Variants in EVL observed in about 807,000 individuals in gnomAD.
EVL encodes Enah/Vasp-like.
In EVL, 21 loss-of-function variants were observed where a neutral mutation model predicts 59.6. The observed-to-expected ratio is 0.35, with a 90% CI of 0.25 to 0.51. EVL has a LOEUF of 0.51. Among genes scored for constraint, EVL ranks in the 20% least tolerant of loss-of-function variants. The pLI is 0.97. For synonymous variants in EVL, 198 were observed against 203.5 expected, an observed-to-expected ratio of 0.97 and a Z score of 0.23; for missense variants, 462 against 546.6, an observed-to-expected ratio of 0.85 and a Z score of 1.54.
chr14:100,036,152 A>C (rs1473043027), intron 1 of EVL, among the ~76,000 whole-genome samples: 1 of 152,198 alleles, frequency 6.6e-6, no homozygotes, highest in Non-Finnish European at 1.5e-5. Context: ...TGAACTGTGC[A>C]TGCAAAGGAG....
At chr14:100,091,473 TCCATAAAAG>T (rs2062563224) in intron 2 of EVL, among the ~76,000 whole-genome samples, 1 of 152,136 alleles carries the variant, frequency 6.6e-6, no homozygotes, top group African/African-American at 2.4e-5. Context: ...CAGTAAAGTC[TCCATAAAAG>T]GACCAAAAAG....
At chr14:99,979,146 C>T (rs2060789929) in intron 1 of EVL, among the ~76,000 whole-genome samples, 1 of 151,928 alleles carries the variant, frequency 6.6e-6, no homozygotes, top group Non-Finnish European at 1.5e-5. Context: ...CTAGACACTC[C>T]CATCCCCCAC....
intron 1 of EVL, among the ~76,000 whole-genome samples, chr14:100,022,270 CTTGGT>C: frequency 6.7e-6 from 1 of 149,006 alleles, no homozygotes; most frequent in East Asian, 2.0e-4. Context: ...GGGCCACATT[CTTGGT>C]TTGTTTTTTT....
At chr14:99,988,251 A>C (rs1003993622) in intron 1 of EVL, among the ~76,000 whole-genome samples, 6 of 152,264 alleles carry the variant, frequency 3.9e-5, no homozygotes, top group Middle Eastern at 3.4e-3. Context: ...AAATTATTTG[A>C]ATAGATACCT....
At chr14:100,136,091 A>G (rs1205170379) in intron 9 of EVL, 123 bp downstream of exon 9, 7 of 1,103,286 alleles carry the variant, frequency 6.3e-6, no homozygotes, top group Non-Finnish European at 9.3e-6. Flanking sequence ...GCCAGGCCAC[A>G]GGGAAGCCCA....
At chr14:100,098,171 G>A (rs1885950168) in intron 3 of EVL, among the ~76,000 whole-genome samples, 1 of 152,188 alleles carries the variant, frequency 6.6e-6, no homozygotes, top group Non-Finnish European at 1.5e-5. Context: ...ATGTATTGCA[G>A]TAAGTGTTTA....
chr14:100,140,644 G>A (rs1889109367), intron 11 of EVL: 1 of 152,420 alleles, frequency 6.6e-6, no homozygotes, highest in African/African-American at 2.4e-5. Flanking sequence ...CCACATGGGA[G>A]GATGTTTCTT....
At chr14:99,986,366 A>G (rs535169858) in intron 1 of EVL, among the ~76,000 whole-genome samples, 1 of 151,972 alleles carries the variant, frequency 6.6e-6, no homozygotes, top group South Asian at 2.1e-4. Flanking sequence ...TTCTAAGAGG[A>G]CAGCTTCAGG....
rs761341087 is a variant in EVL, at chr14:100,114,608, G to A, written c.359-8931G>A. On this transcript the variant is annotated intron_variant, in intron 3 of 13. Transcript: ENST00000392920. This position sits in a 1 kb window ranked among gnomAD's most constrained non-coding sequence, Gnocchi z 5.0. The stretch of plus-strand genomic sequence containing the variant: ...GGAGAAGAGGTAAGTGGCCCAGTAC[G>A]AGAGGTGCCCCCGGCCTGTGCCGCG... 5 of 152,402 alleles carry A rather than the reference G, an allele frequency of 3.3e-5. No individual in the cohort carries two copies. The highest frequency in any genetic ancestry group is 4.8e-5 in the African/African-American group (2 of 41,470). 9.4% of individuals were successfully genotyped at this position (152,402 alleles called of 1,614,324 possible).
chr14:100,038,771 G>GGTGTGTGTGTGTGTGTGTGTGTGT lies in EVL; in HGVS notation c.6-45905_6-45882dup, dbSNP rs61309441. 1.4e-3 allele frequency among the ~76,000 whole-genome samples: 196 copies of GGTGTGTGTGTGTGTGTGTGTGTGT among 141,000 alleles called. 4 individuals are homozygous for GGTGTGTGTGTGTGTGTGTGTGTGT. Among genetic ancestry groups the GGTGTGTGTGTGTGTGTGTGTGTGT allele is most frequent in the Middle Eastern group, 7.1e-3 (2 of 280 alleles). The allele number at this position is 141,000 out of a possible 152,430, so 92.5% of individuals were successfully genotyped here. A position where few individuals can be genotyped will look rare whatever the true frequency, so the allele number is the denominator to read the frequency against. On this transcript the variant is annotated intron_variant, in intron 1 of 13. Coordinates refer to the EVL transcript ENST00000402714. Reference sequence around the variant, plus strand: ...TAGTACCCTGTGTGCTGTGCCCTGGGGTGTGTGTGTGTGTGTGTGTGTGTG... The same window carrying GGTGTGTGTGTGTGTGTGTGTGTGT: ...TAGTACCCTGTGTGCTGTGCCCTGGGGTGTGTGTGTGTGTGTGTGTGTGTGTGTGTGTGTGTGTGTGTGTGTGTG...
At chr14:100,126,794 G>A (rs746755774) in intron 5 of EVL, 23 bp downstream of exon 5, 143 of 1,610,914 alleles carry the variant, frequency 8.9e-5, no homozygotes, top group Admixed American at 2.2e-4. Flanking sequence ...CTCCCCTAGG[G>A]CCGACTCCCA....
intron 2 of EVL, among the ~76,000 whole-genome samples, chr14:100,094,902 G>A (rs1455195328): frequency 4.6e-5 from 7 of 151,754 alleles, no homozygotes; most frequent in South Asian, 2.1e-4. Context: ...TTAGCTGGGC[G>A]TGGTGGCAGG....
At chr14:100,083,446 T>TAA (rs34098353) in intron 1 of EVL, among the ~76,000 whole-genome samples, 3 of 145,484 alleles carry the variant, frequency 2.1e-5, no homozygotes, top group African/African-American at 2.5e-5. Context: ...ATTCCCTCTT[T>TAA]AAAAAAAAAA....
intron 1 of EVL, among the ~76,000 whole-genome samples, chr14:100,003,787 A>G (rs1229864999): frequency 6.6e-6 from 1 of 152,238 alleles, no homozygotes; most frequent in Non-Finnish European, 1.5e-5. Flanking sequence ...ATTTAATAAT[A>G]ATGGCATAGG....
chr14:100,126,506 C>T (rs139168452), intron 4 of EVL, among the ~76,000 whole-genome samples: 124 of 152,324 alleles, frequency 8.1e-4, no homozygotes, highest in Middle Eastern at 3.4e-3. Flanking sequence ...AGGAGACAGC[C>T]GGTGCTCCCA....
chr14:100,025,805 G>T (rs113454411), intron 1 of EVL, among the ~76,000 whole-genome samples: 6 of 152,060 alleles, frequency 3.9e-5, no homozygotes, highest in Admixed American at 3.3e-4. Context: ...GCATAGTGGC[G>T]CATGCCTGTA....
At chr14:100,081,124 A>G (rs1465354088) in intron 1 of EVL, among the ~76,000 whole-genome samples, 1 of 152,150 alleles carries the variant, frequency 6.6e-6, no homozygotes, top group East Asian at 1.9e-4. Flanking sequence ...TACAATAACA[A>G]TAATAATAAT....
chr14:100,057,260 G>A (rs896971740), intron 1 of EVL, among the ~76,000 whole-genome samples: 1 of 152,130 alleles, frequency 6.6e-6, no homozygotes, highest in Non-Finnish European at 1.5e-5. Context: ...TATGATGAAA[G>A]ATGTATATGG....
intron 1 of EVL, among the ~76,000 whole-genome samples, chr14:100,020,808 A>G (rs1176471317): frequency 6.6e-6 from 1 of 152,156 alleles, no homozygotes; most frequent in Non-Finnish European, 1.5e-5. Flanking sequence ...TAAACTTGAT[A>G]CTTTGGATTC....
Sources: gnomAD v4.1 joint callset for allele counts (sites outside exome capture counted in the v4.1 genomes callset) on GRCh38, gnomAD v4.1.1 for gene constraint, Gnocchi (gnomAD v3.1) non-coding constraint, MANE v1.5 for transcripts, NCBI Gene and HGNC (gene_info 2026-07-23, HGNC 2026-07-21) for gene names.